MTHFD2L: variants seen among roughly 807,000 people sequenced by gnomAD.
MTHFD2L encodes bifunctional methylenetetrahydrofolate dehydrogenase/cyclohydrolase 2, mitochondrial.
In MTHFD2L, 29 loss-of-function variants were observed where a neutral mutation model predicts 34.9. The ratio of observed to expected loss-of-function variants is 0.83; its 90% CI spans 0.62 to 1.13. The LOEUF (loss-of-function observed/expected upper bound fraction) is 1.13. MTHFD2L is among the 50% of genes most tolerant of loss of function. The pLI is 0.00. For missense variants in MTHFD2L, 481 were observed against 446.5 expected (o/e 1.08, Z -0.70); for synonymous variants, 167 against 155.7 (o/e 1.07, Z -0.54).
intron 1 of MTHFD2L, among the ~76,000 whole-genome samples, chr4:74,146,768 G>A (rs1039409154): frequency 7.2e-5 from 11 of 152,226 alleles, no homozygotes; most frequent in Non-Finnish European, 1.0e-4. Flanking sequence ...TTGAACAGCT[G>A]TAATTCCAGA....
intron 1 of MTHFD2L, among the ~76,000 whole-genome samples, chr4:74,150,243 T>A (rs995896456): frequency 1.3e-5 from 2 of 152,176 alleles, no homozygotes; most frequent in African/African-American, 4.8e-5. Context: ...TGTAACACCA[T>A]AAGTTTTTGT....
At chr4:74,180,814 C>A in intron 3 of MTHFD2L, 1 of 329,288 alleles carries the variant, frequency 3.0e-6, no homozygotes, top group East Asian at 8.7e-5. Flanking sequence ...TGCTTTCCTA[C>A]TCCTGTCCTG....
At chr4:74,126,237 T>C (rs920868845) in intron 1 of MTHFD2L, among the ~76,000 whole-genome samples, 1 of 152,218 alleles carries the variant, frequency 6.6e-6, no homozygotes, top group Non-Finnish European at 1.5e-5. Context: ...AAATAATAGT[T>C]AAGTTTCTAA....
At chr4:74,225,631 C>T (rs1285876718) in intron 6 of MTHFD2L, among the ~76,000 whole-genome samples, 1 of 152,104 alleles carries the variant, frequency 6.6e-6, no homozygotes, top group Non-Finnish European at 1.5e-5. Flanking sequence ...AGCACAAGAA[C>T]AATGTGCACT....
chr4:74,133,781 T>C (rs985392626), intron 1 of MTHFD2L, among the ~76,000 whole-genome samples: 1 of 152,136 alleles, frequency 6.6e-6, no homozygotes, highest in Non-Finnish European at 1.5e-5. Flanking sequence ...TTCTTAGTTA[T>C]AAAGTTCACA....
chr4:74,248,074 C>T (rs1742750676), intron 6 of MTHFD2L, among the ~76,000 whole-genome samples: 1 of 151,794 alleles, frequency 6.6e-6, no homozygotes, highest in Admixed American at 6.6e-5. Flanking sequence ...CCTCCTTGTA[C>T]CTCTGGTAGA....
In MTHFD2L at chr4:74,236,509, C is replaced by G. The variant is rs868604458; in HGVS notation, c.805+11115C>G. Among the ~76,000 whole-genome samples the G allele has an allele frequency of 5.3e-5, 8 of 152,204 alleles. 1 individual carries two copies. The highest frequency in any genetic ancestry group is 1.9e-4 in the East Asian group (1 of 5,198). On this transcript the variant is annotated intron_variant, in intron 6 of 7. Transcript: ENST00000325278. ...GTATTCTCTATGGTCTCACCTTGTC[C>G]TTTATTCCTTCACACTTGTGGTATC...
In MTHFD2L at chr4:74,281,528, A is replaced by C. The variant is rs753189351; in HGVS notation, c.909A>C (p.Leu303Phe). 2.5e-6 allele frequency: 4 copies of C among 1,612,414 alleles called. No individual in the cohort carries two copies. The Admixed American group carries it at 6.7e-5, about 27-fold the overall frequency. ...VHDPVTGKTK[L>F]VGDVDFEAVK... is the part of the protein sequence containing the mutation. ...ATCCAGTGACAGGAAAGACAAAATT[A>C]GTTGGAGATGTGGACTTCGAAGGTA... Residue 303 changes from leucine to phenylalanine, a missense_variant, in exon 7 of 8, where the codon TTA (leucine) becomes TTC (phenylalanine). Coordinates refer to ENST00000325278, the MANE Select transcript of MTHFD2L (RefSeq NM_001144978.3).
At chr4:74,177,480 T>A (rs1729271273) in intron 3 of MTHFD2L, among the ~76,000 whole-genome samples, 1 of 151,906 alleles carries the variant, frequency 6.6e-6, no homozygotes, top group South Asian at 2.1e-4. Flanking sequence ...AGAGAAGACA[T>A]ACAAATGGCC....
At chr4:74,162,202 T>C (rs1725604712) in intron 1 of MTHFD2L, 1 of 152,214 alleles carries the variant, frequency 6.6e-6, no homozygotes, top group African/African-American at 2.4e-5. Flanking sequence ...TTGTTTTTAT[T>C]AGCATTTCAA....
intron 1 of MTHFD2L, among the ~76,000 whole-genome samples, chr4:74,131,451 C>G (rs543978381): frequency 3.3e-5 from 5 of 152,254 alleles, no homozygotes; most frequent in African/African-American, 1.2e-4. Flanking sequence ...ACCATCTGAT[C>G]TTTGACAAAC....
chr4:74,180,642 T>C, intron 3 of MTHFD2L: 1 of 426,874 alleles, frequency 2.3e-6, no homozygotes, highest in Non-Finnish European at 4.8e-6. Context: ...CTGTCCTGTT[T>C]AATGGTACTG....
intron 6 of MTHFD2L, among the ~76,000 whole-genome samples, chr4:74,265,395 G>C (rs1745166648): frequency 6.6e-6 from 1 of 152,154 alleles, no homozygotes; most frequent in African/African-American, 2.4e-5. Flanking sequence ...AATGGCAGAG[G>C]GTAAGTGGAA....
At chr4:74,129,059 ATAT>A (rs1341640565) in intron 1 of MTHFD2L, among the ~76,000 whole-genome samples, 1 of 152,016 alleles carries the variant, frequency 6.6e-6, no homozygotes, top group African/African-American at 2.4e-5. Flanking sequence ...TTTTACTGTA[ATAT>A]TATAGGTTTT....
intron 1 of MTHFD2L, among the ~76,000 whole-genome samples, chr4:74,148,347 TTTTA>T (rs1298848631): frequency 0.011 from 1,494 of 137,648 alleles, 35 homozygotes; most frequent in African/African-American, 0.039. Flanking sequence ...TTCCCACACA[TTTTA>T]TTTATTTATT....
At position 74,259,360 on chromosome 4, in the gene MTHFD2L, C is replaced by T. The variant is rs1744409902; in HGVS notation, c.806-22065C>T. Among the ~76,000 whole-genome samples the T allele has an allele frequency of 2.0e-5, 3 of 152,238 alleles. No individual in the cohort carries two copies. In the South Asian group the frequency reaches 6.2e-4, roughly 32 times the overall value. On this transcript the variant is annotated intron_variant, in intron 6 of 7. Coordinates refer to ENST00000325278, the MANE Select transcript of MTHFD2L (RefSeq NM_001144978.3). The stretch of plus-strand genomic sequence containing the variant: ...GGTCTAATTCATCCTCATCTCAGCA[C>T]AGGGTAAAGGTTTTGTTCCAGAAGA...
intron 1 of MTHFD2L, among the ~76,000 whole-genome samples, chr4:74,163,460 G>C (rs1279745112): frequency 6.6e-6 from 1 of 152,210 alleles, no homozygotes; most frequent in Non-Finnish European, 1.5e-5. Context: ...ATATTGTTTA[G>C]TACAGAGTCA....
At chr4:74,200,692 T>C (rs577801662) in intron 4 of MTHFD2L, among the ~76,000 whole-genome samples, 4 of 152,300 alleles carry the variant, frequency 2.6e-5, no homozygotes, top group Non-Finnish European at 5.9e-5. Flanking sequence ...ATCATACTCC[T>C]ACACTGTTAG....
intron 1 of MTHFD2L, among the ~76,000 whole-genome samples, chr4:74,165,448 C>G (rs1293051544): frequency 6.6e-6 from 1 of 152,160 alleles, no homozygotes; most frequent in East Asian, 1.9e-4. Flanking sequence ...ACCTCCGCCT[C>G]CTGGGTTCAA....
Sources: allele counts gnomAD v4.1 joint callset (sites outside exome capture counted in the v4.1 genomes callset), GRCh38; gene constraint gnomAD v4.1.1; transcripts MANE v1.5; gene names NCBI Gene and HGNC (gene_info 2026-07-23, HGNC 2026-07-21).